The following DACH1 variants were observed in gnomAD, a reference collection of about 807,000 sequenced individuals.
DACH1 encodes the protein dachshund homolog 1.
DACH1 carries 12 observed loss-of-function variants against 54.2 expected under a neutral mutation model. That is an observed-to-expected ratio of 0.22 (90% CI 0.14 to 0.36). DACH1 has a LOEUF of 0.36. DACH1 is among the 10% of genes least tolerant of loss of function. DACH1 has a pLI of 1.00. For missense variants in DACH1, 805 were observed against 929.8 expected (o/e 0.87, Z 1.75); for synonymous variants, 386 against 366.2 (o/e 1.05, Z -0.62).
chr13:71,637,884 A>T (rs1351166150), intron 2 of DACH1, among the ~76,000 whole-genome samples: 1 of 152,168 alleles, frequency 6.6e-6, no homozygotes, highest in Non-Finnish European at 1.5e-5. Context: ...ATTGCTGTCA[A>T]ATTCTTTCTC....
intron 4 of DACH1, among the ~76,000 whole-genome samples, chr13:71,568,739 G>A (rs1304602295): frequency 1.3e-5 from 2 of 151,964 alleles, no homozygotes; most frequent in African/African-American, 2.4e-5. Flanking sequence ...CTCCATTATG[G>A]GGGAAGCTGA....
At chr13:71,698,129 T>G (rs1438622314) in intron 1 of DACH1, among the ~76,000 whole-genome samples, 2 of 152,138 alleles carry the variant, frequency 1.3e-5, no homozygotes, top group Non-Finnish European at 2.9e-5. Flanking sequence ...GAGGTGCAAG[T>G]TACAGTGAGC....
chr13:71,696,634 G>A (rs892042840), intron 1 of DACH1, among the ~76,000 whole-genome samples: 1 of 150,990 alleles, frequency 6.6e-6, no homozygotes, highest in Non-Finnish European at 1.5e-5. Flanking sequence ...TACAACCTCT[G>A]CCTCACAGGT....
chr13:71,731,402 C>T (rs1327723957), intron 1 of DACH1, among the ~76,000 whole-genome samples: 3 of 151,690 alleles, frequency 2.0e-5, no homozygotes, highest in African/African-American at 7.3e-5. Context: ...TGCCATTCTC[C>T]TGCCTCAGCC....
In DACH1 at chr13:71,533,984, C is replaced by T. The variant is rs145246060; in HGVS notation, c.1570+23040G>A. Among the ~76,000 whole-genome samples, 399 of 152,078 alleles carry T rather than the reference C, an allele frequency of 2.6e-3. 1 individual carries two copies. The highest frequency in any genetic ancestry group is 8.9e-3 in the African/African-American group (370 of 41,528). ...GAAATTAGACATCTTATCTCTGGGT[C>T]GGCTAAATAAGGACCAATAACCTAG... On this transcript the variant is annotated intron_variant, in intron 6 of 10. Coordinates refer to ENST00000613252, the MANE Select transcript of DACH1 (RefSeq NM_080759.6).
At position 71,840,759 on chromosome 13, in the gene DACH1, C is replaced by T. The variant is rs191601151; in HGVS notation, c.848+25163G>A. On this transcript the variant is annotated intron_variant, in intron 1 of 10. Coordinates refer to ENST00000613252, the MANE Select transcript of DACH1 (RefSeq NM_080759.6). Reference sequence around the variant, plus strand: ...GCAGTAAAGTATGTAAAAAGAACTTCTAATGACCACATCAATATCTGAGCA... The same window carrying T: ...GCAGTAAAGTATGTAAAAAGAACTTTTAATGACCACATCAATATCTGAGCA... 3.5e-3 allele frequency among the ~76,000 whole-genome samples: 528 copies of T among 152,260 alleles called. 2 individuals are homozygous for T. Among genetic ancestry groups the T allele is most frequent in the African/African-American group, 0.012 (497 of 41,558 alleles).
rs138726573 is a variant in DACH1, at chr13:71,794,008, C to A, written c.848+71914G>T. On this transcript the variant is annotated intron_variant, in intron 1 of 10. Transcript: ENST00000613252. ...ATATGTTTTGAGACTTTATAAGGGG[C>A]AGGCATTTTGCTGTGTTTAATGCTA... Among the ~76,000 whole-genome samples, 25 of 152,082 alleles carry A rather than the reference C, an allele frequency of 1.6e-4. No homozygotes were observed. In the East Asian group the frequency reaches 4.8e-3, roughly 29 times the overall value.
intron 6 of DACH1, among the ~76,000 whole-genome samples, chr13:71,529,974 TAGC>T (rs1430155770): frequency 1.3e-5 from 2 of 152,136 alleles, no homozygotes; most frequent in Admixed American, 1.3e-4. Context: ...TCAAGTTAGG[TAGC>T]AGTTAAAAAA....
At chr13:71,513,886 C>T (rs1164444500) in intron 6 of DACH1, among the ~76,000 whole-genome samples, 1 of 152,030 alleles carries the variant, frequency 6.6e-6, no homozygotes, top group Non-Finnish European at 1.5e-5. Context: ...CATAGGCTGC[C>T]CAGGCCCCTC....
chr13:71,600,787 A>T (rs1409776543), intron 3 of DACH1, among the ~76,000 whole-genome samples: 2 of 152,102 alleles, frequency 1.3e-5, no homozygotes, highest in Admixed American at 1.3e-4. Context: ...AAAAGTATAT[A>T]AAGAGGACTC....
chr13:71,746,762 T>C (rs890233524), intron 1 of DACH1, among the ~76,000 whole-genome samples: 11 of 152,174 alleles, frequency 7.2e-5, no homozygotes, highest in Non-Finnish European at 1.2e-4. Context: ...GTTAGAGAAG[T>C]TTCTGGGTTC....
At chr13:71,507,754 T>G (rs1880448599) in intron 6 of DACH1, among the ~76,000 whole-genome samples, 1 of 152,292 alleles carries the variant, frequency 6.6e-6, no homozygotes, top group African/African-American at 2.4e-5. Flanking sequence ...ATGGCTAAGG[T>G]TTTAATATAT....
intron 3 of DACH1, among the ~76,000 whole-genome samples, chr13:71,603,983 G>T (rs1874698699): frequency 1.3e-5 from 2 of 151,806 alleles, no homozygotes; most frequent in African/African-American, 4.8e-5. Context: ...CTGTTGTGAA[G>T]ATATATCTAA....
chr13:71,689,484 T>A (rs1006536111), intron 1 of DACH1, among the ~76,000 whole-genome samples: 8 of 152,080 alleles, frequency 5.3e-5, no homozygotes, highest in Non-Finnish European at 7.4e-5. Flanking sequence ...ATCAAAAAAA[T>A]TAATATCAGT....
At position 71,439,398 on chromosome 13, in the gene DACH1, T is replaced by G. The variant is rs991657366; in HGVS notation, c.*1257A>C. ...CAGTGAAAATAACACATAGCCACCC[T>G]TCCCTCTGACAAGGGTGGGAAGCAC... On this transcript the variant is annotated 3_prime_UTR_variant, in exon 11 of 11. Coordinates refer to ENST00000613252, the MANE Select transcript of DACH1 (RefSeq NM_080759.6). 1.6e-4 allele frequency: 25 copies of G among 152,506 alleles called. No homozygotes were observed. The highest frequency in any genetic ancestry group is 6.2e-4 in the South Asian group (3 of 4,832). The allele number at this position is 152,506 out of a possible 1,614,324, so 9.4% of individuals were successfully genotyped here. A position where few individuals can be genotyped will look rare whatever the true frequency, so the allele number is the denominator to read the frequency against.
intron 10 of DACH1, among the ~76,000 whole-genome samples, chr13:71,467,760 T>A (rs112566440): frequency 1.4e-4 from 22 of 152,270 alleles, no homozygotes; most frequent in African/African-American, 5.3e-4. Flanking sequence ...ATTAGCTTTA[T>A]AGAAATGCTG....
At chr13:71,550,917 A>G (rs1034506269) in intron 6 of DACH1, among the ~76,000 whole-genome samples, 2 of 152,286 alleles carry the variant, frequency 1.3e-5, no homozygotes, top group African/African-American at 4.8e-5. Flanking sequence ...TTTAGATGGT[A>G]TAAGTAAAGG....
intron 1 of DACH1, among the ~76,000 whole-genome samples, chr13:71,769,485 G>T (rs1885766362): frequency 6.6e-6 from 1 of 151,590 alleles, no homozygotes; most frequent in Non-Finnish European, 1.5e-5. Context: ...GTATATCCAG[G>T]ATGAGACCAA....
At chr13:71,783,424 C>T (rs922024682) in intron 1 of DACH1, among the ~76,000 whole-genome samples, 4 of 151,988 alleles carry the variant, frequency 2.6e-5, no homozygotes, top group Admixed American at 6.6e-5. Context: ...TCAAGATCCC[C>T]GCTTATGTTT....
Sources: allele counts gnomAD v4.1 joint callset (sites outside exome capture counted in the v4.1 genomes callset), GRCh38; gene constraint gnomAD v4.1.1; transcripts MANE v1.5; gene names NCBI Gene and HGNC (gene_info 2026-07-23, HGNC 2026-07-21).